The following FER variants were observed in gnomAD, a reference collection of about 807,000 sequenced individuals.
FER encodes the protein tyrosine-protein kinase Fer.
FER carries 63 observed loss-of-function variants against 111.0 expected under a neutral mutation model. That is an observed-to-expected ratio of 0.57 (90% CI 0.46 to 0.70). The LOEUF is 0.70. Among genes scored for constraint, FER ranks in the 30% least tolerant of loss-of-function variants. FER has a pLI of 0.00. For missense variants in FER, 914 were observed against 954.0 expected, an observed-to-expected ratio of 0.96 and a Z score of 0.55; for synonymous variants, 327 against 313.9, an observed-to-expected ratio of 1.04 and a Z score of -0.44.
intron 16 of FER, among the ~76,000 whole-genome samples, chr5:109,077,890 G>C (rs1776531230): frequency 6.6e-6 from 1 of 152,060 alleles, no homozygotes; most frequent in Non-Finnish European, 1.5e-5. Context: ...TAAATAATTT[G>C]ATTTGTTTCA....
intron 16 of FER, chr5:109,051,460 G>T: frequency 6.2e-7 from 1 of 1,613,142 alleles, no homozygotes; most frequent in South Asian, 1.1e-5. Context: ...GAAATCAAAA[G>T]GCTGTGCGTG....
Position 108,764,046 on chromosome 5 carries a change from C to T in FER, c.-205-4047C>T, listed in dbSNP as rs543666059. ...ATACCTATTCCTAAACTACTGCTTGCGAGAAGGAATATGCTGATTTCCCAG... is the reference window on the plus strand; with the variant it reads ...ATACCTATTCCTAAACTACTGCTTGTGAGAAGGAATATGCTGATTTCCCAG... On this transcript the variant is annotated intron_variant, in intron 1 of 19. Coordinates refer to ENST00000281092, the MANE Select transcript of FER (RefSeq NM_005246.4). Among the ~76,000 whole-genome samples the T allele has an allele frequency of 1.1e-4, 16 of 152,138 alleles. No individual in the cohort carries two copies. The South Asian group carries it at 3.3e-3, about 32-fold the overall frequency.
chr5:108,780,264 AT>A (rs1355977242), intron 2 of FER, among the ~76,000 whole-genome samples: 1 of 152,082 alleles, frequency 6.6e-6, no homozygotes, highest in Non-Finnish European at 1.5e-5. Context: ...TCTTTTGGAC[AT>A]TTCTTGCAAG....
At chr5:109,028,841 C>T (rs866729230) in intron 13 of FER, among the ~76,000 whole-genome samples, 2 of 152,160 alleles carry the variant, frequency 1.3e-5, no homozygotes, top group Middle Eastern at 3.2e-3. Context: ...TACCATTACT[C>T]AGGAAATCCC....
At chr5:108,894,807 C>T (rs1410418343) in intron 9 of FER, among the ~76,000 whole-genome samples, 1 of 152,010 alleles carries the variant, frequency 6.6e-6, no homozygotes, top group South Asian at 2.1e-4. Context: ...GGGGATCCCC[C>T]TTATGAAACC....
At chr5:109,086,044 G>A (rs1020327714) in intron 16 of FER, among the ~76,000 whole-genome samples, 2 of 151,504 alleles carry the variant, frequency 1.3e-5, no homozygotes, top group Non-Finnish European at 3.0e-5. Flanking sequence ...GGTTATACAG[G>A]ACTCATAAAA....
chr5:109,024,937 C>G (rs956773569), intron 13 of FER, among the ~76,000 whole-genome samples: 9 of 149,936 alleles, frequency 6.0e-5, no homozygotes, highest in African/African-American at 2.2e-4. Context: ...TGTAGATATA[C>G]GGCCTTATTT....
At chr5:109,117,901 A>C (rs1582106516) in intron 17 of FER, among the ~76,000 whole-genome samples, 1 of 151,932 alleles carries the variant, frequency 6.6e-6, no homozygotes, top group Non-Finnish European at 1.5e-5. Context: ...GCTTAAGAAG[A>C]TTTTGGGGTG....
chr5:109,149,968 A>AGT (rs1754642446), intron 17 of FER, among the ~76,000 whole-genome samples: 1 of 152,134 alleles, frequency 6.6e-6, no homozygotes, highest in Non-Finnish European at 1.5e-5. Context: ...TTCTCAAAGG[A>AGT]GTGTGAACCC....
intron 15 of FER, among the ~76,000 whole-genome samples, chr5:109,046,341 T>TA (rs939906562): frequency 1.3e-5 from 2 of 152,142 alleles, no homozygotes; most frequent in East Asian, 1.9e-4. Context: ...GTGCGTGTGT[T>TA]AAAAAATATA....
chr5:109,146,478 G>A (rs769882259), intron 17 of FER, among the ~76,000 whole-genome samples: 12 of 150,936 alleles, frequency 8.0e-5, no homozygotes, highest in Non-Finnish European at 1.6e-4. Context: ...TCTTTTACAT[G>A]CTTCTAGCCA....
intron 17 of FER, among the ~76,000 whole-genome samples, chr5:109,154,812 A>G (rs57196331): frequency 0.19 from 29,246 of 151,834 alleles, 2,966 homozygotes; most frequent in Non-Finnish European, 0.22. Context: ...AAATTTTGAA[A>G]TAATAGTGAA....
chr5:108,813,506 A>AC (rs1290604601), intron 3 of FER, among the ~76,000 whole-genome samples: 4 of 151,816 alleles, frequency 2.6e-5, no homozygotes, highest in African/African-American at 9.7e-5. Context: ...TTCTTTCAGG[A>AC]CCCTGATTAC....
intron 2 of FER, chr5:108,784,394 C>G (rs1161677476): frequency 6.5e-6 from 1 of 153,788 alleles, no homozygotes; most frequent in African/African-American, 2.4e-5. Flanking sequence ...CACCGTGAGA[C>G]AATTTGTGGG....
At chr5:109,068,100 T>A (rs72792515) in intron 16 of FER, among the ~76,000 whole-genome samples, 8,906 of 151,960 alleles carry the variant, frequency 0.059, 309 homozygotes, top group Middle Eastern at 0.15. Context: ...GATTATGGAG[T>A]CAGAATTTCT....
At chr5:108,955,516 A>C (rs1758318627) in intron 12 of FER, among the ~76,000 whole-genome samples, 1 of 151,792 alleles carries the variant, frequency 6.6e-6, no homozygotes, top group Non-Finnish European at 1.5e-5. Flanking sequence ...TTTGAAATTT[A>C]TTTAAGTATT....
rs182335737 is a variant in FER, at chr5:109,136,474, A to G, written c.2048+35955A>G. Among the ~76,000 whole-genome samples the G allele has an allele frequency of 2.0e-4, 30 of 152,280 alleles. No homozygotes were observed. In the East Asian group the frequency reaches 5.6e-3, roughly 28 times the overall value. ...AGTATGGGTAGCACATAAATATCAT[A>G]TAAAAGTAATTTCATATTTCTCACA... On this transcript the variant is annotated intron_variant, in intron 17 of 19. Coordinates refer to ENST00000281092, the MANE Select transcript of FER (RefSeq NM_005246.4).
chr5:108,778,639 T>C (rs914749933), intron 2 of FER, among the ~76,000 whole-genome samples: 3 of 152,184 alleles, frequency 2.0e-5, no homozygotes, highest in Admixed American at 1.3e-4. Flanking sequence ...ATTTGGTGAG[T>C]TGTCTGTTAA....
chr5:109,013,040 T>G (rs1268856136), intron 13 of FER, among the ~76,000 whole-genome samples: 1 of 151,522 alleles, frequency 6.6e-6, no homozygotes, highest in Admixed American at 6.6e-5. Flanking sequence ...TTGGCTTTAG[T>G]GTTATCATTG....
Sources: allele counts gnomAD v4.1 joint callset (sites outside exome capture counted in the v4.1 genomes callset), GRCh38; gene constraint gnomAD v4.1.1; transcripts MANE v1.5; gene names NCBI Gene and HGNC (gene_info 2026-07-23, HGNC 2026-07-21).